DAPK1: variants seen among roughly 807,000 people sequenced by gnomAD.
The protein encoded by DAPK1 is death associated protein kinase 1, also known as death-associated protein kinase 1.
A neutral mutation model predicts 144.9 loss-of-function variants in DAPK1; 56 were observed. The observed-to-expected ratio is 0.39, with a 90% confidence interval of 0.31 to 0.48. DAPK1 has a LOEUF of 0.48. Among genes scored for constraint, DAPK1 ranks in the 20% least tolerant of loss-of-function variants. The probability of loss-of-function intolerance (pLI) is 0.95; values close to 1 mark genes in which losing one functional copy is unlikely to be tolerated. For missense variants in DAPK1, 1,454 were observed against 1,875.4 expected, an observed-to-expected ratio of 0.78 and a Z score of 4.15; for synonymous variants, 690 against 749.0, an observed-to-expected ratio of 0.92 and a Z score of 1.29.
intron 2 of DAPK1, among the ~76,000 whole-genome samples, chr9:87,508,346 AT>A (rs200413597): frequency 4.1e-3 from 570 of 140,150 alleles, no homozygotes; most frequent in Middle Eastern, 8.3e-3. Flanking sequence ...GATTGTCAGG[AT>A]TTTTTTTTTT....
chr9:87,536,107 T>C (rs1197662051), intron 2 of DAPK1, among the ~76,000 whole-genome samples: 1 of 152,210 alleles, frequency 6.6e-6, no homozygotes, highest in Non-Finnish European at 1.5e-5. Context: ...AGTATATTGC[T>C]CAAAACAGCC....
chr9:87,593,204 TA>T (rs1423354895), intron 2 of DAPK1, among the ~76,000 whole-genome samples: 2 of 152,212 alleles, frequency 1.3e-5, no homozygotes, highest in African/African-American at 4.8e-5. Flanking sequence ...CCAACTGCAC[TA>T]AATGCCACAT....
chr9:87,547,602 T>TGTGC lies in DAPK1; in HGVS notation c.62+48467_62+48470dup, dbSNP rs1554680379. ...GAGTGTGTGTGTGTGTGTGTGTGTG[T>TGTGC]GTGCGTGTGTGTAGAGGAGGGGATT... is the stretch of plus-strand genomic sequence containing the variant. On this transcript the variant is annotated intron_variant, in intron 2 of 25. Transcript: ENST00000408954. Among the ~76,000 whole-genome samples, 20 of 150,556 alleles carry TGTGC rather than the reference T, an allele frequency of 1.3e-4. No individual in the cohort carries two copies. The South Asian group carries it at 1.9e-3, about 14-fold the overall frequency.
Position 87,523,279 on chromosome 9 carries a change from TAGAA to T in DAPK1, c.62+24143_62+24146del, listed in dbSNP as rs552591348. The stretch of plus-strand genomic sequence containing the variant: ...TCTTTTATGGGTTTTGTATCACAGT[TAGAA>T]AGGCCCTTACCGCTCTGAGTTTATT... On this transcript the variant is annotated intron_variant, in intron 2 of 25. Transcript: ENST00000408954. Among the ~76,000 whole-genome samples, 423 of 152,320 alleles carry T rather than the reference TAGAA, an allele frequency of 2.8e-3. 4 individuals are homozygous for T. Among genetic ancestry groups the T allele is most frequent in the African/African-American group, 9.7e-3 (403 of 41,574 alleles).
intron 2 of DAPK1, 44 bp from the exon 3 acceptor site, chr9:87,604,909 GT>G (rs750585992): frequency 7.6e-6 from 12 of 1,579,956 alleles, no homozygotes; most frequent in Middle Eastern, 1.7e-4. Context: ...CTCAAATCCT[GT>G]TTTTTTTATG....
chr9:87,643,276 G>A (rs980817877), intron 10 of DAPK1, 100 bp from the exon 11 acceptor site: 8 of 676,572 alleles, frequency 1.2e-5, no homozygotes, highest in Non-Finnish European at 2.0e-5. Flanking sequence ...TTTGTCGTTT[G>A]TACTCATTTG....
At position 87,652,904 on chromosome 9, in the gene DAPK1, G is replaced by A. The variant is rs140025677; in HGVS notation, c.1824+1180G>A. Reference sequence around the variant, plus strand: ...ATTCTGTGTGCTCCCACCTGATCCCGGGTCCTGATTCTGTGTTCTCTCACC... The same window carrying A: ...ATTCTGTGTGCTCCCACCTGATCCCAGGTCCTGATTCTGTGTTCTCTCACC... On this transcript the variant is annotated intron_variant, in intron 17 of 25. Coordinates refer to ENST00000408954, the MANE Select transcript of DAPK1 (RefSeq NM_004938.4). Among the ~76,000 whole-genome samples the A allele has an allele frequency of 2.7e-4, 32 of 120,610 alleles. 2 individuals are homozygous for A. The highest frequency in any genetic ancestry group is 7.5e-4 in the African/African-American group (24 of 32,116). 79.1% of individuals were successfully genotyped at this position (120,610 alleles called of 152,430 possible). A position where few individuals can be genotyped will look rare whatever the true frequency, so the allele number is the denominator to read the frequency against.
rs1014833367 is a variant in DAPK1 at position 87,707,699 on chromosome 9, T to A, written c.*335T>A. On this transcript the variant is annotated 3_prime_UTR_variant, in exon 26 of 26. Transcript: ENST00000408954. The surrounding 1 kb of genome is among the most constrained non-coding windows in gnomAD (Gnocchi z 4.0). ...TGATAATTTTGCTGGAATTCCTAAC[T>A]TTTCAATGACATTTTTTTTAACTAC... 4.6e-6 allele frequency: 2 copies of A among 436,370 alleles called. No homozygotes were observed. The highest frequency in any genetic ancestry group is 6.5e-5 in the Admixed American group (2 of 30,580). The allele number at this position is 436,370 out of a possible 1,614,324, so 27.0% of individuals were successfully genotyped here.
intron 1 of DAPK1, chr9:87,498,395 T>C: frequency 6.1e-6 from 2 of 327,254 alleles, no homozygotes; most frequent in Non-Finnish European, 1.1e-5. Flanking sequence ...CTTCCCTCCC[T>C]TGCTCCCCCG....
chr9:87,701,474 A>G (rs553787792), intron 24 of DAPK1, among the ~76,000 whole-genome samples: 33 of 152,336 alleles, frequency 2.2e-4, no homozygotes, highest in African/African-American at 7.0e-4. Context: ...TTTTTCTAGC[A>G]AACAAATTAA....
chr9:87,520,462 T>C (rs998657113), intron 2 of DAPK1, among the ~76,000 whole-genome samples: 1 of 152,210 alleles, frequency 6.6e-6, no homozygotes, highest in Non-Finnish European at 1.5e-5. Flanking sequence ...TCTTGTTCTC[T>C]GGGTTGCACT....
upstream of DAPK1, chr9:87,497,390 G>T (rs1452969963): frequency 1.3e-5 from 2 of 152,226 alleles, no homozygotes; most frequent in Non-Finnish European, 2.9e-5. Context: ...TTATTAATTA[G>T]CTTACATATT....
intron 2 of DAPK1, 44 bp from the exon 3 acceptor site, chr9:87,604,910 T>G: frequency 6.3e-7 from 1 of 1,579,262 alleles, no homozygotes. Flanking sequence ...TCAAATCCTG[T>G]TTTTTTTATG....
chr9:87,701,685 C>T, intron 24 of DAPK1: 1 of 332,752 alleles, frequency 3.0e-6, no homozygotes, highest in South Asian at 2.5e-5. Context: ...AGATGCCTGT[C>T]TCCCTCTCTT....
intron 18 of DAPK1, among the ~76,000 whole-genome samples, chr9:87,660,992 A>C (rs1830825263): frequency 1.3e-5 from 2 of 152,186 alleles, no homozygotes; most frequent in South Asian, 2.1e-4. Context: ...CTACAGGTGC[A>C]AGCCACCATG....
intron 2 of DAPK1, among the ~76,000 whole-genome samples, chr9:87,566,511 AG>A (rs1407684747): frequency 6.6e-6 from 1 of 152,190 alleles, no homozygotes; most frequent in South Asian, 2.1e-4. Context: ...CCAATGAAAG[AG>A]GAAAAGTGGA....
chr9:87,568,591 A>G (rs755184559), intron 2 of DAPK1, among the ~76,000 whole-genome samples: 3 of 152,186 alleles, frequency 2.0e-5, no homozygotes, highest in Non-Finnish European at 2.9e-5. Context: ...GGAAGGTGGG[A>G]TGCAGTGTGG....
At chr9:87,500,823 A>G (rs777069777) in intron 2 of DAPK1, among the ~76,000 whole-genome samples, 6 of 152,164 alleles carry the variant, frequency 3.9e-5, no homozygotes, top group Non-Finnish European at 5.9e-5. Flanking sequence ...TGCAAGGCAA[A>G]TTGACAAATT....
In DAPK1 at chr9:87,604,455, A is replaced by G. The variant is rs116349483; in HGVS notation, c.63-499A>G. 2.1e-3 allele frequency among the ~76,000 whole-genome samples: 313 copies of G among 152,334 alleles called. 3 individuals are homozygous for G. The highest frequency in any genetic ancestry group is 7.3e-3 in the African/African-American group (304 of 41,570). ...CATATGACTTATCAGTCGCTTAATT[A>G]TAAACAAAATAATAGACCTTTTTCT... On this transcript the variant is annotated intron_variant, in intron 2 of 25. Coordinates refer to ENST00000408954, the MANE Select transcript of DAPK1 (RefSeq NM_004938.4).
Sources: gnomAD v4.1 joint callset for allele counts (sites outside exome capture counted in the v4.1 genomes callset) on GRCh38, gnomAD v4.1.1 for gene constraint, Gnocchi (gnomAD v3.1) non-coding constraint, MANE v1.5 for transcripts, NCBI Gene and HGNC (gene_info 2026-07-23, HGNC 2026-07-21) for gene names.